The following NDST4 variants were observed in gnomAD, a reference collection of about 807,000 sequenced individuals.
NDST4 encodes the protein N-heparan sulfate sulfotransferase 4.
NDST4 carries 63 observed loss-of-function variants against 100.8 expected under a neutral mutation model. That is an observed-to-expected ratio of 0.62 (90% CI 0.51 to 0.77). NDST4 has a LOEUF of 0.77. Ranked by LOEUF, NDST4 falls within the 30% of genes least tolerant of loss-of-function variation. NDST4 has a pLI of 0.00. For synonymous variants in NDST4, 377 were observed against 361.8 expected, an observed-to-expected ratio of 1.04 and a Z score of -0.48; for missense variants, 943 against 1,018.4, an observed-to-expected ratio of 0.93 and a Z score of 1.01.
chr4:114,963,770 C>T (rs200988742), intron 4 of NDST4, among the ~76,000 whole-genome samples: 8 of 152,108 alleles, frequency 5.3e-5, no homozygotes, highest in South Asian at 2.1e-4. Context: ...ATGTAATTGA[C>T]ATTAACCTTG....
intron 2 of NDST4, among the ~76,000 whole-genome samples, chr4:114,981,216 T>TGGGATGGAA (rs1726762900): frequency 7.3e-6 from 1 of 137,044 alleles, no homozygotes; most frequent in Admixed American, 7.4e-5. Flanking sequence ...GAAGAAAGGA[T>TGGGATGGAA]GGAAGGAAGG....
intron 6 of NDST4, among the ~76,000 whole-genome samples, chr4:114,917,032 G>A (rs1336744033): frequency 1.3e-5 from 2 of 151,990 alleles, no homozygotes; most frequent in African/African-American, 4.8e-5. Flanking sequence ...GTTGTTTCCA[G>A]GACTCCTTGC....
At chr4:115,029,249 C>CATGTTAAT (rs1728055900) in intron 2 of NDST4, among the ~76,000 whole-genome samples, 1 of 151,980 alleles carries the variant, frequency 6.6e-6, no homozygotes, top group African/African-American at 2.4e-5. Flanking sequence ...AAGCAGTGAG[C>CATGTTAAT]ATGTTAATAG....
chr4:114,901,231 C>T (rs1463050996), intron 6 of NDST4, among the ~76,000 whole-genome samples: 1 of 151,978 alleles, frequency 6.6e-6, no homozygotes, highest in Non-Finnish European at 1.5e-5. Context: ...CTGTCCATTT[C>T]TGATAGTTGG....
chr4:115,110,949 C>T (rs949134981), intron 1 of NDST4, among the ~76,000 whole-genome samples: 1 of 151,998 alleles, frequency 6.6e-6, no homozygotes, highest in African/African-American at 2.4e-5. Flanking sequence ...TGGCTTCCAG[C>T]CAGGGCTGAT....
At chr4:114,920,343 G>A (rs973271087) in intron 6 of NDST4, among the ~76,000 whole-genome samples, 2 of 152,096 alleles carry the variant, frequency 1.3e-5, no homozygotes, top group Non-Finnish European at 2.9e-5. Flanking sequence ...AGCAAGTTAA[G>A]TGAATTGCAG....
intron 4 of NDST4, among the ~76,000 whole-genome samples, chr4:114,946,149 T>C (rs950717805): frequency 6.6e-6 from 1 of 152,220 alleles, no homozygotes; most frequent in Non-Finnish European, 1.5e-5. Flanking sequence ...TCACATTGTA[T>C]AAAATGTGCC....
chr4:114,986,726 G>A (rs1030354650), intron 2 of NDST4, among the ~76,000 whole-genome samples: 2 of 144,422 alleles, frequency 1.4e-5, no homozygotes, highest in Non-Finnish European at 3.0e-5. Flanking sequence ...CCCTTCAAAT[G>A]GTATCAGTTA....
At position 114,862,653 on chromosome 4, in the gene NDST4, T is replaced by G. The variant is rs181467051; in HGVS notation, c.1719+8115A>C. On this transcript the variant is annotated intron_variant, in intron 7 of 13. Coordinates refer to ENST00000264363, the MANE Select transcript of NDST4 (RefSeq NM_022569.3). ...TGCACATGTCTTTGGCATTCTAATT[T>G]CTGCTTGCAAAACTGGTGAAATAAA... Among the ~76,000 whole-genome samples the G allele has an allele frequency of 2.8e-3, 425 of 152,288 alleles. 3 individuals carry two copies. The highest frequency in any genetic ancestry group is 0.01 in the African/African-American group (416 of 41,566).
intron 4 of NDST4, among the ~76,000 whole-genome samples, chr4:114,938,552 A>T (rs2126226715): frequency 1.3e-5 from 2 of 152,336 alleles, no homozygotes; most frequent in Admixed American, 1.3e-4. Flanking sequence ...ATGACAATGC[A>T]CAGTCACACA....
chr4:115,022,132 G>A (rs534931287), intron 2 of NDST4, among the ~76,000 whole-genome samples: 21 of 137,354 alleles, frequency 1.5e-4, no homozygotes, highest in Non-Finnish European at 2.9e-4. Flanking sequence ...ATATATATAC[G>A]TTCCACGTCT....
chr4:114,980,984 G>T (rs537640410), intron 2 of NDST4, among the ~76,000 whole-genome samples: 3 of 152,122 alleles, frequency 2.0e-5, no homozygotes, highest in South Asian at 2.1e-4. Context: ...AAGCTGAGCT[G>T]GGAGGATTGC....
At chr4:115,104,011 A>G (rs1372019910) in intron 1 of NDST4, among the ~76,000 whole-genome samples, 1 of 152,186 alleles carries the variant, frequency 6.6e-6, no homozygotes, top group African/African-American at 2.4e-5. Context: ...AGAATACTAG[A>G]CATCGTACCA....
At chr4:115,078,282 A>T (rs1729232586) in intron 1 of NDST4, among the ~76,000 whole-genome samples, 1 of 152,134 alleles carries the variant, frequency 6.6e-6, no homozygotes, top group South Asian at 2.1e-4. Flanking sequence ...GGTATCTCAC[A>T]TGGTGGAAGC....
At chr4:114,954,993 A>G (rs775487378) in intron 4 of NDST4, among the ~76,000 whole-genome samples, 9 of 152,180 alleles carry the variant, frequency 5.9e-5, no homozygotes, top group Non-Finnish European at 1.0e-4. Context: ...CCTCTCCAGA[A>G]GCAGAAGCTG....
rs140709645 is a variant in NDST4, at chr4:114,872,349, T to C, written c.1537-1399A>G. ...AACATCTAAACATTAGTTGATAAAATGGTTTTACTTGAGATTCATATGGAA... is the reference window on the plus strand; with the variant it reads ...AACATCTAAACATTAGTTGATAAAACGGTTTTACTTGAGATTCATATGGAA... On this transcript the variant is annotated intron_variant, in intron 6 of 13. Coordinates refer to ENST00000264363, the MANE Select transcript of NDST4 (RefSeq NM_022569.3). Among the ~76,000 whole-genome samples the C allele has an allele frequency of 1.1e-3, 174 of 152,172 alleles. 2 individuals are homozygous for C. Among genetic ancestry groups the C allele is most frequent in the African/African-American group, 3.9e-3 (163 of 41,564 alleles).
chr4:114,839,440 G>A lies in NDST4; in HGVS notation c.2224C>T (p.Leu742=). 2 of 1,613,874 alleles carry A rather than the reference G, an allele frequency of 1.2e-6. No individual in the cohort carries two copies. The highest frequency in any genetic ancestry group is 1.7e-6 in the Non-Finnish European group (2 of 1,179,854). ...TGGACTGCATACCATCCAGGTACTA[G>A]GCATCTTCTCTGCAAAGTTTTTAAG... The part of the protein sequence containing the change: ...SDLKTLQRRC[L]VPGWYAVHIE... Residue 742 remains leucine, a synonymous_variant, in exon 11 of 14, where the codon CTA becomes TTA. Transcript: ENST00000264363.
chr4:115,101,926 A>G (rs948258356), intron 1 of NDST4, among the ~76,000 whole-genome samples: 3 of 152,138 alleles, frequency 2.0e-5, no homozygotes, highest in Non-Finnish European at 4.4e-5. Context: ...TGTTTTAGCC[A>G]TTAAAAAATG....
chr4:115,107,327 T>A (rs1018087507), intron 1 of NDST4, among the ~76,000 whole-genome samples: 29 of 152,212 alleles, frequency 1.9e-4, no homozygotes, highest in African/African-American at 6.5e-4. Flanking sequence ...ACTGATTAGT[T>A]TTTTTACTTT....
Sources: gnomAD v4.1 joint callset for allele counts (sites outside exome capture counted in the v4.1 genomes callset) on GRCh38, gnomAD v4.1.1 for gene constraint, MANE v1.5 for transcripts, NCBI Gene and HGNC (gene_info 2026-07-23, HGNC 2026-07-21) for gene names.